Variants in MAP2 observed in about 807,000 individuals in gnomAD.
MAP2 encodes microtubule associated protein 2.
In MAP2, 14 loss-of-function variants were observed where a neutral mutation model predicts 137.6. The ratio of observed to expected loss-of-function variants is 0.10; its 90% CI spans 0.07 to 0.16. The LOEUF (loss-of-function observed/expected upper bound fraction) is 0.16, where lower values mean the gene tolerates loss of function less well. Ranked by LOEUF, MAP2 falls within the 10% of genes least tolerant of loss-of-function variation. The pLI is 1.00. For missense variants in MAP2, 2,088 were observed against 2,191.5 expected, an observed-to-expected ratio of 0.95 and a Z score of 0.94; for synonymous variants, 786 against 782.3, an observed-to-expected ratio of 1.00 and a Z score of -0.08.
rs141789365 is a variant in MAP2 at position 209,655,176 on chromosome 2, G to C, written c.262+1744G>C. 4.0e-3 allele frequency among the ~76,000 whole-genome samples: 613 copies of C among 152,308 alleles called. 1 individual carries two copies. The highest frequency in any genetic ancestry group is 6.4e-3 in the Non-Finnish European group (437 of 68,024). ...AGGCTAATAGACGTTTCTTTTAAAT[G>C]ATGGGTTTAGGAACATCCAGAGTTC... On this transcript the variant is annotated intron_variant, in intron 5 of 15. Coordinates refer to ENST00000682079, the MANE Select transcript of MAP2 (RefSeq NM_001375505.1).
intron 4 of MAP2, among the ~76,000 whole-genome samples, chr2:209,631,564 G>A (rs889576206): frequency 2.0e-5 from 3 of 149,562 alleles, no homozygotes; most frequent in African/African-American, 7.4e-5. Context: ...TCAGGCTTCT[G>A]TTGTTGGCAA....
intron 1 of MAP2, among the ~76,000 whole-genome samples, chr2:209,458,347 G>A (rs1444868365): frequency 1.3e-5 from 2 of 152,074 alleles, no homozygotes; most frequent in Non-Finnish European, 2.9e-5. Context: ...TTATATGAGT[G>A]GATGCATTCC....
intron 13 of MAP2, among the ~76,000 whole-genome samples, chr2:209,719,037 AAGAG>A (rs1279813038): frequency 6.6e-6 from 1 of 152,186 alleles, no homozygotes; most frequent in Non-Finnish European, 1.5e-5. Context: ...ATACTTTCGA[AAGAG>A]AGAGAAAGTA....
At chr2:209,584,389 A>G (rs545136111) in intron 3 of MAP2, among the ~76,000 whole-genome samples, 11 of 152,282 alleles carry the variant, frequency 7.2e-5, no homozygotes, top group African/African-American at 2.4e-4. Context: ...CATATTCTAG[A>G]GTATAAAGCA....
chr2:209,550,019 A>T (rs1010959419), intron 2 of MAP2, among the ~76,000 whole-genome samples: 1 of 152,218 alleles, frequency 6.6e-6, no homozygotes. Flanking sequence ...TAGTTTGTAG[A>T]TTATTTCAGA....
chr2:209,529,226 G>A (rs1237914409), intron 2 of MAP2, among the ~76,000 whole-genome samples: 2 of 152,060 alleles, frequency 1.3e-5, no homozygotes, highest in African/African-American at 4.8e-5. Flanking sequence ...TGCAATGTTA[G>A]AGCAACAAGG....
intron 5 of MAP2, among the ~76,000 whole-genome samples, chr2:209,664,084 T>G (rs1330361056): frequency 1.3e-5 from 2 of 152,224 alleles, no homozygotes; most frequent in Non-Finnish European, 2.9e-5. Context: ...CAATTGATCA[T>G]AGCAATCATT....
At chr2:209,659,761 G>C (rs1019441308) in intron 5 of MAP2, among the ~76,000 whole-genome samples, 23 of 152,084 alleles carry the variant, frequency 1.5e-4, no homozygotes, top group African/African-American at 5.5e-4. Context: ...ATCACAGACC[G>C]GGCGTGGTGG....
At chr2:209,436,697 A>G (rs1432234719) in intron 1 of MAP2, among the ~76,000 whole-genome samples, 2 of 151,772 alleles carry the variant, frequency 1.3e-5, no homozygotes, top group African/African-American at 4.8e-5. Context: ...CATGTTAGAT[A>G]CTGGAGACTC....
At chr2:209,641,372 C>T (rs544869881) in intron 4 of MAP2, among the ~76,000 whole-genome samples, 70 of 152,024 alleles carry the variant, frequency 4.6e-4, no homozygotes, top group African/African-American at 1.6e-3. Context: ...TCCTCTTAAG[C>T]TTTTTATCCT....
chr2:209,610,392 A>C (rs1360515498), intron 3 of MAP2, among the ~76,000 whole-genome samples: 2 of 152,046 alleles, frequency 1.3e-5, no homozygotes, highest in African/African-American at 4.8e-5. Flanking sequence ...GGACCACTGA[A>C]GTATTTTAAT....
At chr2:209,595,051 G>T (rs2153445754) in intron 3 of MAP2, among the ~76,000 whole-genome samples, 1 of 152,220 alleles carries the variant, frequency 6.6e-6, no homozygotes, top group East Asian at 1.9e-4. Flanking sequence ...CAATTCTAAA[G>T]AACTAGAAAT....
At chr2:209,714,823 G>T (rs1223652299) in intron 13 of MAP2, among the ~76,000 whole-genome samples, 1 of 152,162 alleles carries the variant, frequency 6.6e-6, no homozygotes, top group Non-Finnish European at 1.5e-5. Flanking sequence ...TGGCTGAGCT[G>T]TGAAGTCAGA....
chr2:209,545,068 AT>A (rs899657246), intron 2 of MAP2, among the ~76,000 whole-genome samples: 113 of 152,170 alleles, frequency 7.4e-4, no homozygotes, highest in Non-Finnish European at 1.5e-5. Context: ...TTTTTAGGGA[AT>A]TTTAGCTATG....
intron 1 of MAP2, among the ~76,000 whole-genome samples, chr2:209,437,435 ATAGTATAACTGTGAATT>A (rs1696615078): frequency 1.3e-5 from 2 of 151,660 alleles, no homozygotes; most frequent in South Asian, 4.1e-4. Flanking sequence ...TCTGGGACTT[ATAGTATAACTGTGAATT>A]TTGATTTTTG....
intron 2 of MAP2, among the ~76,000 whole-genome samples, chr2:209,546,060 G>T (rs536158236): frequency 6.6e-6 from 1 of 152,090 alleles, no homozygotes; most frequent in African/African-American, 2.4e-5. Flanking sequence ...GGAGAATGGC[G>T]TGAACCCGGG....
At chr2:209,685,454 C>A (rs1459419402) in intron 7 of MAP2, among the ~76,000 whole-genome samples, 1 of 152,078 alleles carries the variant, frequency 6.6e-6, no homozygotes, top group Non-Finnish European at 1.5e-5. Context: ...TTGGCTTAGC[C>A]CTCCCTGGTC....
At chr2:209,510,660 A>G (rs1346848615) in intron 2 of MAP2, among the ~76,000 whole-genome samples, 1 of 152,080 alleles carries the variant, frequency 6.6e-6, no homozygotes, top group African/African-American at 2.4e-5. Flanking sequence ...ATGGATTCTC[A>G]ATTTTAGAAT....
At chr2:209,728,832 A>G (rs994932955) in intron 14 of MAP2, among the ~76,000 whole-genome samples, 1 of 151,498 alleles carries the variant, frequency 6.6e-6, no homozygotes, top group Non-Finnish European at 1.5e-5. Flanking sequence ...ATCACAATCA[A>G]CAAGTGAGAC....
Sources: gnomAD v4.1 joint callset for allele counts (sites outside exome capture counted in the v4.1 genomes callset) on GRCh38, gnomAD v4.1.1 for gene constraint, MANE v1.5 for transcripts, NCBI Gene and HGNC (gene_info 2026-07-23, HGNC 2026-07-21) for gene names.